CCDC106: variants seen among roughly 807,000 people sequenced by gnomAD.
The protein encoded by CCDC106 is coiled-coil domain containing 106, also known as coiled-coil domain-containing protein 106.
A neutral mutation model predicts 24.7 loss-of-function variants in CCDC106; 17 were observed. The ratio of observed to expected loss-of-function variants is 0.69; its 90% CI spans 0.47 to 1.03. The LOEUF (loss-of-function observed/expected upper bound fraction) is 1.03, where lower values mean the gene tolerates loss of function less well. Ranked by LOEUF, CCDC106 falls within the 50% of genes least tolerant of loss-of-function variation. The pLI is 0.00. For missense variants in CCDC106, 337 were observed against 388.9 expected (o/e 0.87, Z 1.12); for synonymous variants, 211 against 161.3 (o/e 1.31, Z -2.34).
Position 55,652,829 on chromosome 19 carries a change from C to A in CCDC106, c.*83C>A, listed in dbSNP as rs1983420432. 2.5e-6 allele frequency: 3 copies of A among 1,199,196 alleles called. No individual in the cohort carries two copies. Among genetic ancestry groups the A allele is most frequent in the Non-Finnish European group, 2.3e-6 (2 of 861,700 alleles). The allele number at this position is 1,199,196 out of a possible 1,614,324, so 74.3% of individuals were successfully genotyped here. A position where few individuals can be genotyped will look rare whatever the true frequency, so the allele number is the denominator to read the frequency against. On this transcript the variant is annotated 3_prime_UTR_variant, in exon 5 of 5. Transcript: ENST00000586790. This position sits in a 1 kb window ranked among gnomAD's most constrained non-coding sequence, Gnocchi z 5.9. The stretch of plus-strand genomic sequence containing the variant: ...TGACCTGCCCCTCTCCCCGCCGCGC[C>A]CCTGCCCCTCCTCCTCGCTCCCTGG...
At chr19:55,651,566 T>C (rs898467164) in intron 4 of CCDC106, 71 bp downstream of exon 4, 1 of 1,069,686 alleles carries the variant, frequency 9.3e-7, no homozygotes, top group Non-Finnish European at 1.3e-6. Context: ...TTCCCAGAGG[T>C]CCCCCTTTCT....
chr19:55,652,078 G>A lies in CCDC106; in HGVS notation c.527-352G>A, dbSNP rs1475497659. 9.9e-5 allele frequency among the ~76,000 whole-genome samples: 15 copies of A among 152,100 alleles called. No individual in the cohort carries two copies. The highest frequency in any genetic ancestry group is 6.5e-4 in the Admixed American group (10 of 15,268). On this transcript the variant is annotated intron_variant, in intron 4 of 4. Coordinates refer to ENST00000586790, the MANE Select transcript of CCDC106 (RefSeq NM_001370470.1). This position sits in a 1 kb window ranked among gnomAD's most constrained non-coding sequence, Gnocchi z 5.9. ...GCAGTAGGACCTACCTCACGGGGAG[G>A]GTGAGACTTGAATAAGTGAATTCAC...
chr19:55,651,952 G>A lies in CCDC106; in HGVS notation c.526+457G>A, dbSNP rs189914099. 3.0e-3 allele frequency among the ~76,000 whole-genome samples: 453 copies of A among 152,244 alleles called. 3 individuals are homozygous for A. The highest frequency in any genetic ancestry group is 4.8e-3 in the Non-Finnish European group (325 of 68,020). ...GCTGGGATTACAGGCGTGAGCCACC[G>A]CGCATGGCCTGTCCTGGGTTTACTT... On this transcript the variant is annotated intron_variant, in intron 4 of 4. Coordinates refer to ENST00000586790, the MANE Select transcript of CCDC106 (RefSeq NM_001370470.1).
At position 55,652,680 on chromosome 19, in the gene CCDC106, C is replaced by G; in HGVS notation, c.777C>G (p.Leu259=). 6.2e-7 allele frequency: 1 copy of G among 1,613,138 alleles called. No homozygotes were observed. The highest frequency in any genetic ancestry group is 2.2e-5 in the East Asian group (1 of 44,870). Residue 259 remains leucine (L), a synonymous_variant, in exon 5 of 5, where the codon CTC becomes CTG. Transcript: ENST00000586790. This position sits in a 1 kb window ranked among gnomAD's most constrained non-coding sequence, Gnocchi z 5.9. ...RCFLALDDET[L]KKVQALKKSK... is the part of the protein sequence containing the mutation. ...TTCTGGCCCTGGACGACGAGACGCT[C>G]AAGAAGGTGCAGGCGCTCAAGAAGA...
rs1568543656 is a variant in CCDC106 at position 55,652,773 on chromosome 19, C to CG, written c.*30dup. ...CGCACCACGCCTCCGCGCCTCCACC[C>CG]GGGCCTTCCTCCCCCGTGGACCCCG... On this transcript the variant is annotated 3_prime_UTR_variant, in exon 5 of 5. Coordinates refer to ENST00000586790, the MANE Select transcript of CCDC106 (RefSeq NM_001370470.1). The surrounding 1 kb of genome is among the most constrained non-coding windows in gnomAD (Gnocchi z 5.9). The CG allele has an allele frequency of 3.8e-6, 6 of 1,576,534 alleles. No individual in the cohort carries two copies. In the South Asian group the frequency reaches 5.7e-5, roughly 15 times the overall value.
chr19:55,650,443 T>A (rs1983167433), intron 3 of CCDC106, among the ~76,000 whole-genome samples: 1 of 151,780 alleles, frequency 6.6e-6, no homozygotes, highest in African/African-American at 2.4e-5. Context: ...GAACCCACAC[T>A]CTACCCCACC....
At chr19:55,651,693 C>T (rs915529888) in intron 4 of CCDC106, among the ~76,000 whole-genome samples, 198 bp downstream of exon 4, 1 of 151,864 alleles carries the variant, frequency 6.6e-6, no homozygotes, top group Non-Finnish European at 1.5e-5. Flanking sequence ...ACGTCTTGCC[C>T]CGTCGCCCAG....
chr19:55,648,402 CT>C lies in CCDC106; in HGVS notation c.-644del, dbSNP rs1982999615. ...TGGAATCGTTCCACGACCGCTCCCC[CT>C]CCCACCCGCGGGACAAAGGGCGGGG... On this transcript the variant is annotated 5_prime_UTR_variant, in exon 1 of 5. The change creates a premature stop within an existing upstream ORF in the 5' untranslated region. Transcript: ENST00000586790. 1 of 140,732 alleles carries C rather than the reference CT, an allele frequency of 7.1e-6. No individual in the cohort carries two copies. The allele number at this position is 140,732 out of a possible 1,614,324, so 8.7% of individuals were successfully genotyped here. A position where few individuals can be genotyped will look rare whatever the true frequency, so the allele number is the denominator to read the frequency against.
chr19:55,651,085 C>T (rs1983226273), intron 3 of CCDC106, among the ~76,000 whole-genome samples, 198 bp from the exon 4 acceptor site: 1 of 152,222 alleles, frequency 6.6e-6, no homozygotes, highest in African/African-American at 2.4e-5. Context: ...AAATGCTCCA[C>T]CCATTACCAC....
chr19:55,649,448 C>G lies in CCDC106; in HGVS notation c.177C>G (p.Asn59Lys), dbSNP rs747256071. The part of the protein sequence containing the change: ...EAASSALALM[N>K]SVKTQLHMAL... The stretch of plus-strand genomic sequence containing the variant: ...CGTCCTCCGCCCTGGCTCTGATGAA[C>G]AGCGTCAAGACCCAGCTGCACATGG... Residue 59 changes from asparagine (N) to lysine (K), a missense_variant, in exon 3 of 5, where the codon AAC becomes AAG. By Grantham distance (94) the Asn-to-Lys change is moderately conservative. Coordinates refer to ENST00000586790, the MANE Select transcript of CCDC106 (RefSeq NM_001370470.1). 6.2e-7 allele frequency: 1 copy of G among 1,614,162 alleles called. No individual in the cohort carries two copies.
At position 55,649,594 on chromosome 19, in the gene CCDC106, G is replaced by A. The variant is rs377438064; in HGVS notation, c.313+10G>A. On this transcript the variant is annotated intron_variant, in intron 3 of 4. Coordinates refer to ENST00000586790, the MANE Select transcript of CCDC106 (RefSeq NM_001370470.1). ...GCTCGGATGGAGGCAGGTGTGTGTG[G>A]GGTGCTCTGATCCACATGCCTCCCT... 9.7e-5 allele frequency: 157 copies of A among 1,611,584 alleles called. No homozygotes were observed. Among genetic ancestry groups the A allele is most frequent in the Non-Finnish European group, 1.3e-4 (151 of 1,178,566 alleles).
In CCDC106 at chr19:55,652,020, C is replaced by T. The variant is rs1226210005; in HGVS notation, c.527-410C>T. On this transcript the variant is annotated intron_variant, in intron 4 of 4. Transcript: ENST00000586790. The surrounding 1 kb of genome is among the most constrained non-coding windows in gnomAD (Gnocchi z 5.9). ...GTCGAGGGCAGGGCCACCTTGGGCACCTCCTTAACTTTCATCAGTAAGGAG... is the reference window on the plus strand; with the variant it reads ...GTCGAGGGCAGGGCCACCTTGGGCATCTCCTTAACTTTCATCAGTAAGGAG... 6.6e-6 allele frequency among the ~76,000 whole-genome samples: 1 copy of T among 152,104 alleles called. No individual in the cohort carries two copies. Among genetic ancestry groups the T allele is most frequent in the Non-Finnish European group, 1.5e-5 (1 of 68,022 alleles).
chr19:55,650,165 C>A (rs1983147360), intron 3 of CCDC106, among the ~76,000 whole-genome samples: 1 of 148,686 alleles, frequency 6.7e-6, no homozygotes, highest in African/African-American at 2.4e-5. Flanking sequence ...CCTTTGTGGG[C>A]CTTTTTGGGT....
intron 4 of CCDC106, among the ~76,000 whole-genome samples, chr19:55,651,766 A>G (rs1011051967): frequency 1.3e-5 from 2 of 151,236 alleles, no homozygotes; most frequent in African/African-American, 4.9e-5. Context: ...GGTCCACGCC[A>G]TTCTCCTGCC....
rs371151116 is a variant in CCDC106 at position 55,651,470 on chromosome 19, G to A, written c.501G>A (p.Lys167=). The change falls in exon 4 of 5, where the codon AAG becomes AAA. Residue 167 remains lysine (K), a synonymous_variant. Coordinates refer to ENST00000586790, the MANE Select transcript of CCDC106 (RefSeq NM_001370470.1). ...GTGCTAGTCGGAGGCGCTTTGGGAA[G>A]CCCAAGGCCCGGGAGAGGCAGCGAG... ...KGGASRRRFG[K]PKARERQRVK... The A allele has an allele frequency of 6.3e-7, 1 of 1,589,678 alleles. No homozygotes were observed. The highest frequency in any genetic ancestry group is 8.6e-7 in the Non-Finnish European group (1 of 1,169,242).
At chr19:55,647,986 G>C (rs1176339468), upstream of CCDC106, 4 of 152,170 alleles carry the variant, frequency 2.6e-5, no homozygotes, top group Non-Finnish European at 2.9e-5. Context: ...GGGCGGGGGA[G>C]TGCTGTAAGG....
At chr19:55,651,143 G>T in intron 3 of CCDC106, 140 bp from the exon 4 acceptor site, 1 of 697,242 alleles carries the variant, frequency 1.4e-6, no homozygotes, top group Non-Finnish European at 2.6e-6. Context: ...CGTCTCTACC[G>T]TACTCCTTGT....
In CCDC106 at chr19:55,648,705, C is replaced by T. The variant is rs565325905; in HGVS notation, c.-342C>T. ...CTAGGTGTCCCTGGTCAGGCGACCC[C>T]TTGGGGCACCCAGCAATTTAGGGCT... On this transcript the variant is annotated 5_prime_UTR_variant, in exon 1 of 5. Coordinates refer to ENST00000586790, the MANE Select transcript of CCDC106 (RefSeq NM_001370470.1). The T allele has an allele frequency of 2.1e-5, 9 of 428,096 alleles. No homozygotes were observed. The highest frequency in any genetic ancestry group is 6.2e-5 in the South Asian group (2 of 32,484). 26.5% of individuals were successfully genotyped at this position (428,096 alleles called of 1,614,324 possible). A position where few individuals can be genotyped will look rare whatever the true frequency, so the allele number is the denominator to read the frequency against.
At chr19:55,650,197 C>A (rs1172556257) in intron 3 of CCDC106, among the ~76,000 whole-genome samples, 1 of 152,064 alleles carries the variant, frequency 6.6e-6, no homozygotes, top group Non-Finnish European at 1.5e-5. Context: ...CAGGTGCTGT[C>A]CCTCAAACCC....
Sources: allele counts gnomAD v4.1 joint callset (sites outside exome capture counted in the v4.1 genomes callset), GRCh38; gene constraint gnomAD v4.1.1; non-coding constraint Gnocchi (gnomAD v3.1); transcripts MANE v1.5; gene names NCBI Gene and HGNC (gene_info 2026-07-23, HGNC 2026-07-21).